The following PTPRD variants were observed in gnomAD, a reference collection of about 807,000 sequenced individuals.
The protein encoded by PTPRD is protein tyrosine phosphatase receptor type D.
A neutral mutation model predicts 214.5 loss-of-function variants in PTPRD; 34 were observed. That is an observed-to-expected ratio of 0.16 (90% confidence interval 0.12 to 0.21). The LOEUF is 0.21. Among genes scored for constraint, PTPRD ranks in the 10% least tolerant of loss-of-function variants. The pLI is 1.00. For missense variants in PTPRD, 2,545 were observed against 2,398.7 expected, an observed-to-expected ratio of 1.06 and a Z score of -1.27; for synonymous variants, 1,128 against 845.7, an observed-to-expected ratio of 1.33 and a Z score of -5.79.
At chr9:10,256,622 T>A (rs1033050384) in intron 3 of PTPRD, among the ~76,000 whole-genome samples, 7 of 152,214 alleles carry the variant, frequency 4.6e-5, no homozygotes, top group African/African-American at 1.4e-4. Context: ...TTTGTGTCAA[T>A]GATTTGAGAA....
chr9:8,761,832 A>T (rs1221307441), intron 11 of PTPRD, among the ~76,000 whole-genome samples: 2 of 152,170 alleles, frequency 1.3e-5, no homozygotes, highest in Admixed American at 1.3e-4. Context: ...TGGAAGAAGG[A>T]AGATGAGATT....
At chr9:9,201,146 C>CT (rs1057502127) in intron 9 of PTPRD, among the ~76,000 whole-genome samples, 2 of 151,930 alleles carry the variant, frequency 1.3e-5, no homozygotes, top group Non-Finnish European at 2.9e-5. Context: ...AAGCTTTTTT[C>CT]TTTTTTTGTA....
chr9:9,072,420 T>G (rs2099745119), intron 10 of PTPRD, among the ~76,000 whole-genome samples: 1 of 152,056 alleles, frequency 6.6e-6, no homozygotes, highest in African/African-American at 2.4e-5. Context: ...GCCAATGTTG[T>G]AAGAAGTTGT....
At chr9:10,008,156 G>C (rs886206748) in intron 4 of PTPRD, among the ~76,000 whole-genome samples, 7 of 151,864 alleles carry the variant, frequency 4.6e-5, no homozygotes, top group Non-Finnish European at 1.0e-4. Context: ...TGTTGGCCCA[G>C]GGAACCTCAG....
At chr9:8,744,378 C>G (rs1282156950) in intron 11 of PTPRD, among the ~76,000 whole-genome samples, 1 of 152,082 alleles carries the variant, frequency 6.6e-6, no homozygotes, top group African/African-American at 2.4e-5. Context: ...TTTGCAACTG[C>G]AAAAATATGG....
chr9:9,902,083 C>T (rs545631588), intron 5 of PTPRD, among the ~76,000 whole-genome samples: 1 of 152,252 alleles, frequency 6.6e-6, no homozygotes, highest in South Asian at 2.1e-4. Flanking sequence ...TGCTTCTACT[C>T]TTACCAACTT....
chr9:10,322,709 C>T (rs1205327136), intron 3 of PTPRD, among the ~76,000 whole-genome samples: 1 of 152,000 alleles, frequency 6.6e-6, no homozygotes, highest in Non-Finnish European at 1.5e-5. Flanking sequence ...CCAATTTGCA[C>T]ATTGGTACCA....
chr9:9,829,862 C>G (rs537648980), intron 5 of PTPRD, among the ~76,000 whole-genome samples: 1 of 151,826 alleles, frequency 6.6e-6, no homozygotes, highest in African/African-American at 2.4e-5. Context: ...CAAGCATTTG[C>G]TACTATTTCT....
chr9:10,158,356 A>G lies in PTPRD; in HGVS notation c.-544-124566T>C, dbSNP rs139877329. 7.2e-5 allele frequency among the ~76,000 whole-genome samples: 11 copies of G among 152,258 alleles called. No homozygotes were observed. The East Asian group carries it at 2.1e-3, about 29-fold the overall frequency. On this transcript the variant is annotated intron_variant, in intron 3 of 45. Coordinates refer to ENST00000381196, the MANE Select transcript of PTPRD (RefSeq NM_002839.4). ...GTATTTTATCTGTCAGCTCTTGTAT[A>G]GTTTTACCATGTTTAATTTTTAAAC...
chr9:9,934,729 G>T (rs550100530), intron 5 of PTPRD, among the ~76,000 whole-genome samples: 1 of 151,570 alleles, frequency 6.6e-6, no homozygotes, highest in African/African-American at 2.4e-5. Flanking sequence ...CATTTTATGA[G>T]GCCAGCATCA....
At chr9:9,841,160 A>G (rs1255999409) in intron 5 of PTPRD, among the ~76,000 whole-genome samples, 1 of 152,176 alleles carries the variant, frequency 6.6e-6, no homozygotes, top group Non-Finnish European at 1.5e-5. Flanking sequence ...AAAAATATCT[A>G]AATTATTTTG....
At chr9:8,920,299 C>T (rs1482843522) in intron 11 of PTPRD, among the ~76,000 whole-genome samples, 1 of 151,850 alleles carries the variant, frequency 6.6e-6, no homozygotes, top group Non-Finnish European at 1.5e-5. Context: ...CAAGATTGCA[C>T]CACTGTACTT....
chr9:9,422,567 C>G (rs1399772983), intron 8 of PTPRD, among the ~76,000 whole-genome samples: 3 of 152,076 alleles, frequency 2.0e-5, no homozygotes, highest in African/African-American at 7.2e-5. Context: ...TAAATACTGT[C>G]CATTTTTCTC....
At chr9:9,228,468 G>A (rs774244523) in intron 9 of PTPRD, among the ~76,000 whole-genome samples, 96 of 152,118 alleles carry the variant, frequency 6.3e-4, no homozygotes, top group Non-Finnish European at 1.1e-3. Context: ...GTTGATATAT[G>A]TTGATATATA....
At chr9:8,892,177 C>G (rs2098545198) in intron 11 of PTPRD, among the ~76,000 whole-genome samples, 1 of 152,176 alleles carries the variant, frequency 6.6e-6, no homozygotes, top group Non-Finnish European at 1.5e-5. Context: ...ACTCCTCCAT[C>G]CACGCTGCTT....
chr9:8,861,336 G>C (rs1375468847), intron 11 of PTPRD: 2 of 152,136 alleles, frequency 1.3e-5, no homozygotes, highest in African/African-American at 4.8e-5. Context: ...ACCTTATGTG[G>C]GTTGCGAATC....
chr9:10,484,043 G>A (rs1440739862), intron 2 of PTPRD, among the ~76,000 whole-genome samples: 2 of 152,024 alleles, frequency 1.3e-5, no homozygotes, highest in African/African-American at 4.8e-5. Flanking sequence ...ACCAGTGAAT[G>A]AATATAGAAA....
chr9:8,811,426 A>C (rs1484556843), intron 11 of PTPRD, among the ~76,000 whole-genome samples: 6 of 152,192 alleles, frequency 3.9e-5, no homozygotes, highest in Admixed American at 6.5e-5. Context: ...CTGCCAACTG[A>C]ATTAGTCCCT....
At chr9:8,647,380 C>T (rs1308935342) in intron 12 of PTPRD, among the ~76,000 whole-genome samples, 1 of 152,090 alleles carries the variant, frequency 6.6e-6, no homozygotes, top group Non-Finnish European at 1.5e-5. Context: ...ATTTTCCATG[C>T]TTATTTTACA....
Sources: allele counts gnomAD v4.1 joint callset (sites outside exome capture counted in the v4.1 genomes callset), GRCh38; gene constraint gnomAD v4.1.1; transcripts MANE v1.5; gene names NCBI Gene and HGNC (gene_info 2026-07-23, HGNC 2026-07-21).